The following LRP1B variants were observed in gnomAD, a reference collection of about 807,000 sequenced individuals.
LRP1B encodes LDL receptor related protein 1B.
Under a neutral mutation model 556.6 loss-of-function variants are expected in LRP1B, and 217 were observed. The ratio of observed to expected loss-of-function variants is 0.39; its 90% confidence interval spans 0.35 to 0.44. The LOEUF (loss-of-function observed/expected upper bound fraction) is 0.44. Ranked by LOEUF, LRP1B falls within the 20% of genes least tolerant of loss-of-function variation. The pLI is 1.00. For synonymous variants in LRP1B, 2,047 were observed against 1,865.8 expected (o/e 1.10, Z -2.50); for missense variants, 5,053 against 5,620.8 (o/e 0.90, Z 3.23).
intron 11 of LRP1B, among the ~76,000 whole-genome samples, 179 bp downstream of exon 11, chr2:141,048,807 T>A (rs762970620): frequency 6.6e-6 from 1 of 152,148 alleles, no homozygotes. Flanking sequence ...AAGGCTTTAA[T>A]ACACTGGTAT....
intron 25 of LRP1B, among the ~76,000 whole-genome samples, chr2:140,882,311 GA>G (rs1344080842): frequency 6.6e-6 from 1 of 152,016 alleles, no homozygotes; most frequent in African/African-American, 2.4e-5. Flanking sequence ...ATAAAATATT[GA>G]AAAATAAAGG....
At chr2:140,823,868 A>C (rs917041634) in intron 31 of LRP1B, among the ~76,000 whole-genome samples, 1 of 152,116 alleles carries the variant, frequency 6.6e-6, no homozygotes, top group Non-Finnish European at 1.5e-5. Context: ...CTCACTTATA[A>C]GTGAAAGCTG....
At chr2:141,068,335 C>T (rs1196626212) in intron 7 of LRP1B, among the ~76,000 whole-genome samples, 1 of 151,790 alleles carries the variant, frequency 6.6e-6, no homozygotes, top group Non-Finnish European at 1.5e-5. Context: ...AAGAGGGGTG[C>T]TCGTATGGGA....
At chr2:140,576,735 A>T (rs1246023339) in intron 43 of LRP1B, among the ~76,000 whole-genome samples, 1 of 152,196 alleles carries the variant, frequency 6.6e-6, no homozygotes. Context: ...CCATAAAAGT[A>T]GTCTACACCT....
At chr2:140,520,111 T>C (rs1194148349) in intron 49 of LRP1B, among the ~76,000 whole-genome samples, 1 of 152,182 alleles carries the variant, frequency 6.6e-6, no homozygotes, top group Non-Finnish European at 1.5e-5. Flanking sequence ...ACTGGGTATA[T>C]ACCCAAAGGA....
At chr2:140,458,011 T>TA (rs1687172799) in intron 60 of LRP1B, among the ~76,000 whole-genome samples, 2 of 151,726 alleles carry the variant, frequency 1.3e-5, no homozygotes, top group African/African-American at 4.9e-5. Context: ...CATATACATA[T>TA]TTACATATAT....
chr2:140,717,385 C>A (rs1304653497), intron 35 of LRP1B, among the ~76,000 whole-genome samples: 1 of 151,996 alleles, frequency 6.6e-6, no homozygotes, highest in African/African-American at 2.4e-5. Flanking sequence ...TTCTAAGGTA[C>A]GAGTTTCTTA....
chr2:140,694,634 A>T (rs1686362475), intron 41 of LRP1B, among the ~76,000 whole-genome samples: 1 of 152,154 alleles, frequency 6.6e-6, no homozygotes, highest in Admixed American at 6.6e-5. Context: ...CACTTTGAGT[A>T]TTACTTTTCT....
chr2:141,996,843 A>G (rs538965426), intron 1 of LRP1B, among the ~76,000 whole-genome samples: 1 of 152,284 alleles, frequency 6.6e-6, no homozygotes, highest in East Asian at 1.9e-4. Context: ...GTAAAATGTC[A>G]GAGAGAGAAA....
At chr2:141,682,359 G>T (rs562375063) in intron 2 of LRP1B, among the ~76,000 whole-genome samples, 1 of 151,450 alleles carries the variant, frequency 6.6e-6, no homozygotes, top group South Asian at 2.1e-4. Context: ...AAAAAAAAAG[G>T]ATTTTTAGGA....
chr2:141,703,178 A>T (rs1314390330), intron 2 of LRP1B, among the ~76,000 whole-genome samples: 1 of 151,922 alleles, frequency 6.6e-6, no homozygotes, highest in East Asian at 1.9e-4. Context: ...ATATTAGAAA[A>T]GTGTATGAAT....
intron 2 of LRP1B, among the ~76,000 whole-genome samples, chr2:141,557,592 C>T (rs1046353175): frequency 2.0e-5 from 3 of 151,896 alleles, no homozygotes; most frequent in Non-Finnish European, 2.9e-5. Context: ...CCTTCACTGC[C>T]TTTCTCATTC....
At chr2:140,446,166 G>T (rs1194775216) in intron 63 of LRP1B, among the ~76,000 whole-genome samples, 1 of 151,968 alleles carries the variant, frequency 6.6e-6, no homozygotes, top group Non-Finnish European at 1.5e-5. Context: ...TTAAGCATGT[G>T]CCTTTCCTCT....
intron 15 of LRP1B, among the ~76,000 whole-genome samples, chr2:140,997,388 A>C (rs1470887249): frequency 6.6e-6 from 1 of 151,310 alleles, no homozygotes; most frequent in Non-Finnish European, 1.5e-5. Flanking sequence ...TTTTTTTTTA[A>C]TTTATTTTAG....
chr2:141,659,226 G>T (rs1230470658), intron 2 of LRP1B, among the ~76,000 whole-genome samples: 1 of 152,080 alleles, frequency 6.6e-6, no homozygotes, highest in Non-Finnish European at 1.5e-5. Flanking sequence ...TGCGAGAGCA[G>T]GCATCGGCAA....
At chr2:141,398,937 C>T (rs1690346325) in intron 3 of LRP1B, among the ~76,000 whole-genome samples, 1 of 152,012 alleles carries the variant, frequency 6.6e-6, no homozygotes, top group African/African-American at 2.4e-5. Context: ...GTCTTTGTGC[C>T]CTATAGTTCA....
chr2:140,485,880 C>CACACAT (rs1443477845), intron 58 of LRP1B, among the ~76,000 whole-genome samples: 1 of 150,568 alleles, frequency 6.6e-6, no homozygotes, highest in Non-Finnish European at 1.5e-5. Context: ...CACACACACA[C>CACACAT]ACAAACTTAG....
chr2:140,852,183 C>T (rs1288084765), intron 27 of LRP1B, among the ~76,000 whole-genome samples: 4 of 151,954 alleles, frequency 2.6e-5, no homozygotes, highest in East Asian at 1.9e-4. Flanking sequence ...AAAAATTTGC[C>T]GAGCGTGGTG....
At chr2:141,833,845 G>A (rs1177935874) in intron 1 of LRP1B, among the ~76,000 whole-genome samples, 1 of 147,872 alleles carries the variant, frequency 6.8e-6, no homozygotes, top group Non-Finnish European at 1.5e-5. Flanking sequence ...GTAGAAAAAG[G>A]CAAAATGAGA....
Sources: gnomAD v4.1 joint callset for allele counts (sites outside exome capture counted in the v4.1 genomes callset) on GRCh38, gnomAD v4.1.1 for gene constraint, MANE v1.5 for transcripts, NCBI Gene and HGNC (gene_info 2026-07-23, HGNC 2026-07-21) for gene names.